The following RPS19BP1 variants were observed in gnomAD, a reference collection of about 807,000 sequenced individuals.
RPS19BP1 encodes the protein active regulator of SIRT1.
RPS19BP1 carries 14 observed loss-of-function variants against 16.6 expected under a neutral mutation model. The observed-to-expected ratio is 0.84, with a 90% confidence interval of 0.56 to 1.32. RPS19BP1 has a LOEUF of 1.32. Ranked by LOEUF, RPS19BP1 falls within the 40% of genes most tolerant of loss-of-function variation. The probability of loss-of-function intolerance (pLI) is 0.00; values close to 1 mark genes in which losing one functional copy is unlikely to be tolerated. For missense variants in RPS19BP1, 188 were observed against 178.6 expected (o/e 1.05, Z -0.30); for synonymous variants, 90 against 77.3 (o/e 1.16, Z -0.86).
chr22:39,529,700 G>A (rs1931254533), intron 3 of RPS19BP1, 77 bp from the exon 4 acceptor site: 5 of 1,598,788 alleles, frequency 3.1e-6, no homozygotes, highest in Admixed American at 1.7e-5. Flanking sequence ...GGAGTTCGGC[G>A]CAGGGCAGGG....
At chr22:39,532,603 G>T in intron 1 of RPS19BP1, 80 bp from the exon 2 acceptor site, 2 of 1,607,688 alleles carry the variant, frequency 1.2e-6, no homozygotes, top group Non-Finnish European at 1.7e-6. Context: ...GCCCGGCCTG[G>T]ATTGTTTTCC....
At chr22:39,530,557 G>A in intron 2 of RPS19BP1, 1 of 288,362 alleles carries the variant, frequency 3.5e-6, no homozygotes, top group Admixed American at 4.6e-5. Context: ...AACCCCGTCT[G>A]TATTAAAAAT....
intron 2 of RPS19BP1, chr22:39,530,330 G>T: frequency 8.6e-6 from 2 of 232,510 alleles, no homozygotes; most frequent in South Asian, 9.2e-5. Context: ...CTCGAAGAGA[G>T]CTGTGGATAT....
intron 2 of RPS19BP1, chr22:39,530,288 T>G: frequency 8.0e-6 from 2 of 251,524 alleles, no homozygotes; most frequent in Non-Finnish European, 1.6e-5. Context: ...CAATTTCAAA[T>G]AGGAGGGAAT....
Position 39,529,460 on chromosome 22 carries a change from TGAA to T in RPS19BP1, c.*29_*31del, listed in dbSNP as rs775858517. The stretch of plus-strand genomic sequence containing the variant: ...AGCAGGAGTCGGAGGCTGCAGGGCT[TGAA>T]GGCCTCTTCACCGTGCCCTCCAGGG... On this transcript the variant is annotated 3_prime_UTR_variant, in exon 4 of 4. Transcript: ENST00000334678. The T allele has an allele frequency of 6.8e-6, 11 of 1,612,640 alleles. No homozygotes were observed. The highest frequency in any genetic ancestry group is 5.3e-5 in the African/African-American group (4 of 75,040).
Position 39,529,893 on chromosome 22 carries a change from C to A in RPS19BP1, c.206G>T (p.Arg69Leu). 7 of 1,614,146 alleles carry A rather than the reference C, an allele frequency of 4.3e-6. No individual in the cohort carries two copies. The highest frequency in any genetic ancestry group is 5.9e-6 in the Non-Finnish European group (7 of 1,180,016). ...ALDEYRKREC[R>L]DHLRVNLKFL... ...CTTCAGGTTTACTCTGAGGTGGTCTCGACACTCTCGCTTCCGGTACTCGTC... is the reference window on the plus strand; with the variant it reads ...CTTCAGGTTTACTCTGAGGTGGTCTAGACACTCTCGCTTCCGGTACTCGTC... Residue 69 changes from arginine (R) to leucine (L), a missense_variant, in exon 3 of 4, where the codon CGA (arginine) becomes CTA (leucine). Coordinates refer to ENST00000334678, the MANE Select transcript of RPS19BP1 (RefSeq NM_194326.4).
Position 39,529,301 on chromosome 22 carries a change from TA to T in RPS19BP1, c.*190del. On this transcript the variant is annotated 3_prime_UTR_variant, in exon 4 of 4. Transcript: ENST00000334678. ...GCGGAAGCCAGCTCCGGTCTGTGTG[TA>T]AATCCTCCCCAGGACTTCCGGCCCA... 1.4e-6 allele frequency: 1 copy of T among 723,164 alleles called. No homozygotes were observed. The highest frequency in any genetic ancestry group is 2.2e-6 in the Non-Finnish European group (1 of 448,396). 44.8% of individuals were successfully genotyped at this position (723,164 alleles called of 1,614,324 possible). A position where few individuals can be genotyped will look rare whatever the true frequency, so the allele number is the denominator to read the frequency against.
chr22:39,529,404 T>C lies in RPS19BP1; in HGVS notation c.*88A>G. On this transcript the variant is annotated 3_prime_UTR_variant, in exon 4 of 4. Transcript: ENST00000334678. ...AGGCTGGTCCTGCATCGCCATCTGC[T>C]GGCCGCGCGGCACGGCCGGTTCCTG... 6.4e-7 allele frequency: 1 copy of C among 1,552,568 alleles called. No homozygotes were observed. Among genetic ancestry groups the C allele is most frequent in the Non-Finnish European group, 8.7e-7 (1 of 1,145,432 alleles).
chr22:39,532,186 T>C (rs1931328444), intron 2 of RPS19BP1: 1 of 604,802 alleles, frequency 1.7e-6, no homozygotes, highest in South Asian at 2.1e-5. Context: ...TCTTTGATGC[T>C]TCTCTCCCCA....
rs1161839321 is a variant in RPS19BP1 at position 39,532,529 on chromosome 22, G to C, written c.53-6C>G. ...ACCTGGAGGGTCCCGGGGGGCTGTA[G>C]GGGAAGAGAGAGGAAGAGACCCAGG... On this transcript the variant is annotated splice_polypyrimidine_tract_variant and splice_region_variant and intron_variant, in intron 1 of 3. Coordinates refer to ENST00000334678, the MANE Select transcript of RPS19BP1 (RefSeq NM_194326.4). 6.2e-7 allele frequency: 1 copy of C among 1,613,728 alleles called. No homozygotes were observed. The highest frequency in any genetic ancestry group is 1.3e-5 in the African/African-American group (1 of 75,052).
At chr22:39,529,958 C>T (rs760344032) in intron 2 of RPS19BP1, 41 bp from the exon 3 acceptor site, 19 of 1,508,134 alleles carry the variant, frequency 1.3e-5, no homozygotes, top group Non-Finnish European at 1.7e-5. Flanking sequence ...AGATTCACTC[C>T]CCCTGGAACC....
At chr22:39,530,140 T>C in intron 2 of RPS19BP1, 1 of 560,792 alleles carries the variant, frequency 1.8e-6, no homozygotes, top group Non-Finnish European at 3.2e-6. Flanking sequence ...TGAATACTAC[T>C]CACCAAGGGA....
rs774538855 is a variant in RPS19BP1 at position 39,529,557 on chromosome 22, C to CCTT, written c.343_345dup (p.Lys115dup). 1 of 1,614,218 alleles carries CCTT rather than the reference C, an allele frequency of 6.2e-7. No individual in the cohort carries two copies. Among genetic ancestry groups the CCTT allele is most frequent in the Non-Finnish European group, 8.5e-7 (1 of 1,180,016 alleles). ...TCCTCGGTGAACACGGTGCCCTCAG[C>CCTT]CTTCTTCTTCTTGGTCTTGGCCACA... On this transcript the variant is annotated inframe_insertion, in exon 4 of 4. Transcript: ENST00000334678.
chr22:39,529,419 G>A lies in RPS19BP1; in HGVS notation c.*73C>T, dbSNP rs1931243308. On this transcript the variant is annotated 3_prime_UTR_variant, in exon 4 of 4. Coordinates refer to ENST00000334678, the MANE Select transcript of RPS19BP1 (RefSeq NM_194326.4). The stretch of plus-strand genomic sequence containing the variant: ...CGCCATCTGCTGGCCGCGCGGCACG[G>A]CCGGTTCCTGGAGCCAGCAGGAGTC... The A allele has an allele frequency of 1.3e-6, 2 of 1,580,430 alleles. No homozygotes were observed. Among genetic ancestry groups the A allele is most frequent in the Non-Finnish European group, 1.7e-6 (2 of 1,163,136 alleles).
At chr22:39,532,276 G>T in intron 2 of RPS19BP1, 119 bp downstream of exon 2, 1 of 1,445,060 alleles carries the variant, frequency 6.9e-7, no homozygotes, top group Non-Finnish European at 9.5e-7. Context: ...TCCGCGCCTG[G>T]CACACAGTAG....
Position 39,532,533 on chromosome 22 carries a change from AAG to A in RPS19BP1, c.53-12_53-11del, listed in dbSNP as rs1399615673. On this transcript the variant is annotated splice_polypyrimidine_tract_variant and intron_variant, in intron 1 of 3. Coordinates refer to ENST00000334678, the MANE Select transcript of RPS19BP1 (RefSeq NM_194326.4). The stretch of plus-strand genomic sequence containing the variant: ...GGAGGGTCCCGGGGGGCTGTAGGGG[AAG>A]AGAGAGGAAGAGACCCAGGTCAGAG... 3.7e-6 allele frequency: 6 copies of A among 1,613,200 alleles called. No individual in the cohort carries two copies. In the African/African-American group the frequency reaches 8.0e-5, roughly 22 times the overall value.
Position 39,532,707 on chromosome 22 carries a change from T to A in RPS19BP1, c.32A>T (p.Glu11Val). 6.5e-7 allele frequency: 1 copy of A among 1,542,880 alleles called. No homozygotes were observed. The highest frequency in any genetic ancestry group is 8.7e-7 in the Non-Finnish European group (1 of 1,146,998). MSAALLRRGL[E>V]LLAASEAPRD... ...CTCACCCTCGGACGCCGCCAGCAGC[T>A]CCAGGCCCCGCCGCAGCAGGGCGGC... The change falls in exon 1 of 4, where the codon GAG becomes GTG. Residue 11 changes from glutamate (E) to valine (V), a missense_variant. Physicochemically the swap from Glu to Val is moderately radical, Grantham distance 121 (BLOSUM62 -2). Transcript: ENST00000334678.
chr22:39,532,605 T>A, intron 1 of RPS19BP1, 82 bp from the exon 2 acceptor site: 1 of 1,607,070 alleles, frequency 6.2e-7, no homozygotes, highest in Non-Finnish European at 8.5e-7. Flanking sequence ...CCGGCCTGGA[T>A]TGTTTTCCAT....
chr22:39,529,715 C>T, intron 3 of RPS19BP1, 92 bp from the exon 4 acceptor site: 1 of 1,594,790 alleles, frequency 6.3e-7, no homozygotes. Flanking sequence ...GCAGGGCTGG[C>T]CCAGCCTCCC....
Sources: gnomAD v4.1 joint callset for allele counts on GRCh38, gnomAD v4.1.1 for gene constraint, MANE v1.5 for transcripts, NCBI Gene and HGNC (gene_info 2026-07-23, HGNC 2026-07-21) for gene names.